Variants in C2orf15 observed in about 807,000 individuals in gnomAD.
C2orf15 encodes chromosome 2 open reading frame 15.
A neutral mutation model predicts 4.4 loss-of-function variants in C2orf15; 3 were observed. That is an observed-to-expected ratio of 0.67 (90% confidence interval 0.31 to 1.74). The LOEUF is 1.74. Ranked by LOEUF, C2orf15 falls within the 40% of genes most tolerant of loss-of-function variation. C2orf15 has a pLI of 0.09. For missense variants in C2orf15, 90 were observed against 103.3 expected (o/e 0.87, Z 0.56); for synonymous variants, 37 against 36.8 (o/e 1.00, Z -0.02).
chr2:99,149,781 G>A (rs1478447262), intron 3 of C2orf15, among the ~76,000 whole-genome samples: 1 of 109,804 alleles, frequency 9.1e-6, no homozygotes, highest in Non-Finnish European at 1.8e-5. Context: ...TTAATCACAA[G>A]TATCTTTTTT....
intron 2 of C2orf15, among the ~76,000 whole-genome samples, chr2:99,144,991 G>A (rs936195521): frequency 1.1e-4 from 17 of 152,180 alleles, no homozygotes; most frequent in Admixed American, 6.5e-4. Context: ...CACACTTGGT[G>A]TCTTTAAGCA....
intron 3 of C2orf15, among the ~76,000 whole-genome samples, chr2:99,149,535 C>T (rs1259540920): frequency 3.3e-5 from 5 of 150,900 alleles, no homozygotes; most frequent in African/African-American, 9.8e-5. Flanking sequence ...CTCAGCCTCC[C>T]GGGTTCACAC....
At chr2:99,149,258 G>A (rs973948720) in intron 3 of C2orf15, among the ~76,000 whole-genome samples, 11 of 151,774 alleles carry the variant, frequency 7.2e-5, no homozygotes, top group Admixed American at 6.6e-4. Flanking sequence ...ATCTTGGGTA[G>A]ATCACTCTTC....
chr2:99,150,100 G>A (rs2093677962), intron 3 of C2orf15, among the ~76,000 whole-genome samples: 1 of 152,124 alleles, frequency 6.6e-6, no homozygotes. Flanking sequence ...CCAATCACAA[G>A]TATCTTTATA....
intron 3 of C2orf15, among the ~76,000 whole-genome samples, chr2:99,148,766 T>C (rs1156515552): frequency 6.6e-6 from 1 of 151,830 alleles, no homozygotes; most frequent in African/African-American, 2.4e-5. Flanking sequence ...AGGTCAGGGG[T>C]TCAAGACCAG....
intron 3 of C2orf15, chr2:99,148,461 T>C (rs1406323795): frequency 1.3e-5 from 2 of 152,196 alleles, no homozygotes; most frequent in African/African-American, 2.4e-5. Context: ...CTAATTGTTA[T>C]ATTAATATTT....
In C2orf15 at chr2:99,150,920, C is replaced by A. The variant is rs1019521672; in HGVS notation, c.*86C>A. ...AAGAGAACTTAACCTTATTAGGAAA[C>A]CCTGACAAAATGATGGAAGACTATT... On this transcript the variant is annotated 3_prime_UTR_variant, in exon 4 of 4. Transcript: ENST00000650052. 3.6e-6 allele frequency: 3 copies of A among 830,890 alleles called. No homozygotes were observed. The highest frequency in any genetic ancestry group is 1.7e-5 in the African/African-American group (1 of 57,874). The allele number at this position is 830,890 out of a possible 1,614,324, so 51.5% of individuals were successfully genotyped here. A position where few individuals can be genotyped will look rare whatever the true frequency, so the allele number is the denominator to read the frequency against.
At chr2:99,144,649 C>CAAAAGAAAA (rs2093613483) in intron 2 of C2orf15, among the ~76,000 whole-genome samples, 1 of 52,272 alleles carries the variant, frequency 1.9e-5, no homozygotes, top group Admixed American at 2.7e-4. Context: ...AACTCTGTCT[C>CAAAAGAAAA]AAAAAAAAAA....
At chr2:99,147,238 A>AT in intron 2 of C2orf15, 164 bp from the exon 3 acceptor site, 1 of 464,016 alleles carries the variant, frequency 2.2e-6, no homozygotes, top group East Asian at 3.2e-5. Context: ...TGGACTCAAG[A>AT]GATCTTTCCA....
rs1421153796 is a variant in C2orf15, at chr2:99,141,759, T to C, written c.-464T>C. On this transcript the variant is annotated 5_prime_UTR_variant, in exon 1 of 4. Coordinates refer to ENST00000650052, the MANE Select transcript of C2orf15 (RefSeq NM_144706.4). ...TGAAACACCTGCTGCTTCGCGGCGG[T>C]GGCTTTGTGCCACTTTTCCCAGGGC... 1.3e-5 allele frequency: 2 copies of C among 152,830 alleles called. No individual in the cohort carries two copies. The highest frequency in any genetic ancestry group is 6.5e-5 in the Admixed American group (1 of 15,288). 9.5% of individuals were successfully genotyped at this position (152,830 alleles called of 1,614,324 possible). A position where few individuals can be genotyped will look rare whatever the true frequency, so the allele number is the denominator to read the frequency against.
At position 99,147,423 on chromosome 2, in the gene C2orf15, TA is replaced by T; in HGVS notation, c.-144del. The T allele has an allele frequency of 6.2e-7, 1 of 1,602,582 alleles. No individual in the cohort carries two copies. Among genetic ancestry groups the T allele is most frequent in the Non-Finnish European group, 8.5e-7 (1 of 1,169,664 alleles). ...CCAGATTTCTTCTTGAATGGCAACC[TA>T]AATGCCAGTCCAAAGAGGCCCCCAA... On this transcript the variant is annotated 5_prime_UTR_variant, in exon 3 of 4. In the 5' UTR this introduces an upstream ATG that the reference lacks. Transcript: ENST00000650052.
At chr2:99,146,195 A>G (rs2093630150) in intron 2 of C2orf15, among the ~76,000 whole-genome samples, 1 of 152,236 alleles carries the variant, frequency 6.6e-6, no homozygotes, top group African/African-American at 2.4e-5. Flanking sequence ...CAGCAGGAGA[A>G]TCATGTGAAC....
chr2:99,147,595 A>G, intron 3 of C2orf15, 102 bp downstream of exon 3: 1 of 1,000,250 alleles, frequency 1.0e-6, no homozygotes, highest in South Asian at 1.7e-5. Flanking sequence ...ATATGTTACC[A>G]TTCTTTTACG....
intron 2 of C2orf15, among the ~76,000 whole-genome samples, chr2:99,144,268 G>A (rs1385271695): frequency 2.6e-5 from 4 of 151,882 alleles, no homozygotes; most frequent in African/African-American, 9.7e-5. Flanking sequence ...TGACCTGCCC[G>A]CCTCGGCCTC....
chr2:99,145,286 G>A (rs1574759369), intron 2 of C2orf15, among the ~76,000 whole-genome samples: 3 of 152,012 alleles, frequency 2.0e-5, no homozygotes, highest in African/African-American at 7.3e-5. Context: ...TGGCAGGTGC[G>A]GTGACTCACA....
rs1254745393 is a variant in C2orf15 at position 99,142,345 on chromosome 2, G to C, written c.-225G>C. On this transcript the variant is annotated 5_prime_UTR_variant, in exon 2 of 4. Transcript: ENST00000650052. ...GATGACCTTGATATGGTAGAACGCT[G>C]TGTATTTCAAGAGTAAGCTCTCGTT... 6.6e-6 allele frequency: 1 copy of C among 152,180 alleles called. No individual in the cohort carries two copies. The highest frequency in any genetic ancestry group is 1.5e-5 in the Non-Finnish European group (1 of 68,042). 9.4% of individuals were successfully genotyped at this position (152,180 alleles called of 1,614,324 possible). A position where few individuals can be genotyped will look rare whatever the true frequency, so the allele number is the denominator to read the frequency against.
intron 2 of C2orf15, among the ~76,000 whole-genome samples, chr2:99,145,628 C>T (rs1405771561): frequency 6.6e-6 from 1 of 151,966 alleles, no homozygotes; most frequent in African/African-American, 2.4e-5. Context: ...AATTTTCCCA[C>T]CCTCAGAGTC....
rs1307340180 is a variant in C2orf15 at position 99,145,769 on chromosome 2, AT to A, written c.-168-1626del. ...CAGCTGGGGACCAGATATGTAGATA[AT>A]TTTTTTCTCTGATATGGGAAGCAAC... is the stretch of plus-strand genomic sequence containing the variant. On this transcript the variant is annotated intron_variant, in intron 2 of 3. Transcript: ENST00000650052. Among the ~76,000 whole-genome samples, 5 of 152,226 alleles carry A rather than the reference AT, an allele frequency of 3.3e-5. No individual in the cohort carries two copies. The East Asian group carries it at 7.7e-4, about 23-fold the overall frequency.
chr2:99,146,998 TAGTC>T, intron 2 of C2orf15: 1 of 153,888 alleles, frequency 6.5e-6, no homozygotes, highest in South Asian at 2.0e-4. Context: ...ATACTAAACT[TAGTC>T]TGTTCTATCT....
Sources: allele counts gnomAD v4.1 joint callset (sites outside exome capture counted in the v4.1 genomes callset), GRCh38; gene constraint gnomAD v4.1.1; transcripts MANE v1.5; gene names NCBI Gene and HGNC (gene_info 2026-07-23, HGNC 2026-07-21).